The following VDAC3 variants were observed in gnomAD, a reference collection of about 807,000 sequenced individuals.
VDAC3 encodes the protein non-selective voltage-gated ion channel VDAC3.
A neutral mutation model predicts 33.9 loss-of-function variants in VDAC3; 7 were observed. That is an observed-to-expected ratio of 0.21 (90% CI 0.12 to 0.39). The LOEUF (loss-of-function observed/expected upper bound fraction) is 0.39, where lower values mean the gene tolerates loss of function less well. Ranked by LOEUF, VDAC3 falls within the 10% of genes least tolerant of loss-of-function variation. The pLI is 1.00. For synonymous variants in VDAC3, 100 were observed against 122.4 expected (o/e 0.82, Z 1.21); for missense variants, 261 against 334.5 (o/e 0.78, Z 1.71).
At chr8:42,397,973 G>A (rs887136833) in intron 4 of VDAC3, among the ~76,000 whole-genome samples, 3 of 152,126 alleles carry the variant, frequency 2.0e-5, no homozygotes, top group Non-Finnish European at 4.4e-5. Flanking sequence ...ATTTTTAAAA[G>A]GAAGTAGTAA....
chr8:42,401,048 A>C (rs1356720827), intron 6 of VDAC3, among the ~76,000 whole-genome samples: 2 of 152,132 alleles, frequency 1.3e-5, no homozygotes, highest in Non-Finnish European at 2.9e-5. Context: ...TCAAAAAAGC[A>C]TGCTTCTCTC....
At chr8:42,396,637 T>C in intron 4 of VDAC3, 1 of 686,332 alleles carries the variant, frequency 1.5e-6, no homozygotes, top group Non-Finnish European at 2.6e-6. Context: ...TAAAATTTTA[T>C]CTCCCTTTCA....
intron 8 of VDAC3, 39 bp downstream of exon 8, chr8:42,403,500 TG>T: frequency 6.6e-7 from 1 of 1,512,440 alleles, no homozygotes; most frequent in Non-Finnish European, 8.8e-7. Flanking sequence ...CTCTTATGTT[TG>T]TGTCTAAGTT....
At position 42,396,686 on chromosome 8, in the gene VDAC3, A is replaced by G. The variant is rs563485028; in HGVS notation, c.117+1553A>G. 49 of 689,456 alleles carry G rather than the reference A, an allele frequency of 7.1e-5. 2 individuals are homozygous for G. Among genetic ancestry groups the G allele is most frequent in the South Asian group, 7.1e-4 (45 of 63,804 alleles). 42.7% of individuals were successfully genotyped at this position (689,456 alleles called of 1,614,324 possible). A position where few individuals can be genotyped will look rare whatever the true frequency, so the allele number is the denominator to read the frequency against. ...TGGTAATATTCATTCAGATGGTAAG[A>G]AAAAAAAGCTTATTCGTATGCTTGT... On this transcript the variant is annotated intron_variant, in intron 4 of 9. Transcript: ENST00000022615.
intron 8 of VDAC3, 69 bp downstream of exon 8, chr8:42,403,530 A>T: frequency 7.0e-7 from 1 of 1,433,610 alleles, no homozygotes; most frequent in Non-Finnish European, 9.4e-7. Context: ...ATGTTGTGAT[A>T]TGAGTGTAGT....
At chr8:42,397,272 AT>A (rs11288393) in intron 4 of VDAC3, 32,520 of 150,896 alleles carry the variant, frequency 0.22, 7,092 homozygotes, top group African/African-American at 0.56. Flanking sequence ...ACATGTTATC[AT>A]TTTTTTTTTA....
Position 42,396,878 on chromosome 8 carries a change from T to C in VDAC3, c.117+1745T>C, listed in dbSNP as rs1345980501. 1.1e-5 allele frequency: 6 copies of C among 535,644 alleles called. No homozygotes were observed. The East Asian group carries it at 1.8e-4, about 16-fold the overall frequency. 33.2% of individuals were successfully genotyped at this position (535,644 alleles called of 1,614,324 possible). A position where few individuals can be genotyped will look rare whatever the true frequency, so the allele number is the denominator to read the frequency against. ...AGCATTTAATGTAGAGCTATATGCA[T>C]GTTATATGCATGTTATAAATGTGTT... On this transcript the variant is annotated intron_variant, in intron 4 of 9. Transcript: ENST00000022615.
chr8:42,405,528 G>A lies in VDAC3; in HGVS notation c.*66G>A, dbSNP rs1283903288. 1.5e-6 allele frequency: 2 copies of A among 1,370,036 alleles called. No individual in the cohort carries two copies. The highest frequency in any genetic ancestry group is 2.0e-6 in the Non-Finnish European group (2 of 978,094). 84.9% of individuals were successfully genotyped at this position (1,370,036 alleles called of 1,614,324 possible). On this transcript the variant is annotated 3_prime_UTR_variant, in exon 10 of 10. Transcript: ENST00000022615. ...AGAGAAATGAACCCACTATGTTTTG[G>A]CCTTAAAATTCTTCTGTGAAATTTC...
At chr8:42,397,519 A>C (rs1197577899) in intron 4 of VDAC3, 1 of 152,242 alleles carries the variant, frequency 6.6e-6, no homozygotes, top group Non-Finnish European at 1.5e-5. Context: ...AACAGGACCA[A>C]TCAGAATGTT....
In VDAC3 at chr8:42,400,182, C is replaced by CA. The variant is rs1280219060; in HGVS notation, c.323+485dup. Among the ~76,000 whole-genome samples the CA allele has an allele frequency of 1.1e-4, 16 of 151,964 alleles. No individual in the cohort carries two copies. In the Middle Eastern group the frequency reaches 0.014, roughly 130 times the overall value. ...GAAACCCCATCTCTACTAAAAAATACAAAAAATTAGCCAGGCATGGTGGTG... is the reference window on the plus strand; with the variant it reads ...GAAACCCCATCTCTACTAAAAAATACAAAAAAATTAGCCAGGCATGGTGGTG... On this transcript the variant is annotated intron_variant, in intron 6 of 9. Coordinates refer to ENST00000022615, the MANE Select transcript of VDAC3 (RefSeq NM_005662.7).
At chr8:42,403,912 A>G (rs1802457399) in intron 8 of VDAC3, among the ~76,000 whole-genome samples, 1 of 151,298 alleles carries the variant, frequency 6.6e-6, no homozygotes, top group South Asian at 2.1e-4. Context: ...GCTTGACGTC[A>G]GGAAATAGGG....
chr8:42,405,745 G>A lies in VDAC3; in HGVS notation c.*283G>A, dbSNP rs201808885. On this transcript the variant is annotated 3_prime_UTR_variant, in exon 10 of 10. Coordinates refer to ENST00000022615, the MANE Select transcript of VDAC3 (RefSeq NM_005662.7). Reference sequence around the variant, plus strand: ...GCGACAGTGTAGCGTCATGTTAGAGGAGACGATCTGACCCACCAGTTTGTA... The same window carrying A: ...GCGACAGTGTAGCGTCATGTTAGAGAAGACGATCTGACCCACCAGTTTGTA... 3 of 302,626 alleles carry A rather than the reference G, an allele frequency of 9.9e-6. No homozygotes were observed. In the East Asian group the frequency reaches 2.2e-4, roughly 23 times the overall value. The allele number at this position is 302,626 out of a possible 1,614,324, so 18.7% of individuals were successfully genotyped here.
chr8:42,399,012 T>G, intron 5 of VDAC3, 148 bp downstream of exon 5: 1 of 834,216 alleles, frequency 1.2e-6, no homozygotes, highest in Non-Finnish European at 1.8e-6. Flanking sequence ...TGATGTCTTA[T>G]GTTTCTAGAA....
intron 1 of VDAC3, among the ~76,000 whole-genome samples, chr8:42,393,586 T>G (rs548030818): frequency 6.6e-6 from 1 of 152,222 alleles, no homozygotes; most frequent in African/African-American, 2.4e-5. Context: ...TTTGAAGGCT[T>G]TAACTTCAGA....
rs745922779 is a variant in VDAC3, at chr8:42,398,794, A to G, written c.200A>G (p.Tyr67Cys). The G allele has an allele frequency of 1.2e-6, 2 of 1,614,046 alleles. No individual in the cohort carries two copies. The highest frequency in any genetic ancestry group is 2.2e-5 in the East Asian group (1 of 44,854). ...GAAACCAAATATAAGGTCTGTAACT[A>G]TGGACTTACCTTCACCCAGAAATGG... Reference protein sequence around the residue: ...NLETKYKVCNYGLTFTQKWNT... With the variant: ...NLETKYKVCNCGLTFTQKWNT... The change falls in exon 5 of 10, where the codon TAT (tyrosine) becomes TGT (cysteine). Residue 67 changes from tyrosine (Y) to cysteine (C), a missense_variant. Physicochemically the swap from Tyr to Cys is radical, Grantham distance 194. Transcript: ENST00000022615.
intron 5 of VDAC3, 168 bp from the exon 6 acceptor site, chr8:42,399,483 G>A: frequency 2.0e-6 from 1 of 511,870 alleles, no homozygotes; most frequent in Non-Finnish European, 3.5e-6. Context: ...AGGCTGGGGT[G>A]AGGGGACAGG....
intron 7 of VDAC3, among the ~76,000 whole-genome samples, chr8:42,402,631 A>T (rs1331379772): frequency 6.6e-6 from 1 of 152,224 alleles, no homozygotes; most frequent in African/African-American, 2.4e-5. Flanking sequence ...ACCAGGAAGA[A>T]AAAGCAAAGG....
chr8:42,400,104 G>A (rs763875026), intron 6 of VDAC3, among the ~76,000 whole-genome samples: 15 of 152,218 alleles, frequency 9.9e-5, no homozygotes, highest in South Asian at 8.3e-4. Flanking sequence ...TTGGGAGGCC[G>A]AGATGGGCGG....
In VDAC3 at chr8:42,404,734, A is replaced by G. The variant is rs1004156106; in HGVS notation, c.703-133A>G. On this transcript the variant is annotated intron_variant, in intron 8 of 9. Coordinates refer to ENST00000022615, the MANE Select transcript of VDAC3 (RefSeq NM_005662.7). ...CAAAACTTCATCTCAAAAAAAAAAA[A>G]AAAAAAAATCAGTAATTCTAGATTG... is the stretch of plus-strand genomic sequence containing the variant. 30 of 669,662 alleles carry G rather than the reference A, an allele frequency of 4.5e-5. No homozygotes were observed. The South Asian group carries it at 4.7e-4, about 11-fold the overall frequency. 41.5% of individuals were successfully genotyped at this position (669,662 alleles called of 1,614,324 possible). A position where few individuals can be genotyped will look rare whatever the true frequency, so the allele number is the denominator to read the frequency against.
Sources: allele counts gnomAD v4.1 joint callset (sites outside exome capture counted in the v4.1 genomes callset), GRCh38; gene constraint gnomAD v4.1.1; transcripts MANE v1.5; gene names NCBI Gene and HGNC (gene_info 2026-07-23, HGNC 2026-07-21).